ARHGEF10: variants seen among roughly 807,000 people sequenced by gnomAD.
The protein encoded by ARHGEF10 is Rho guanine nucleotide exchange factor (GEF) 10.
In ARHGEF10, 140 loss-of-function variants were observed where a neutral mutation model predicts 147.4. The observed-to-expected ratio is 0.95, with a 90% CI of 0.83 to 1.09. The LOEUF is 1.09. ARHGEF10 is among the 50% of genes least tolerant of loss of function. ARHGEF10 has a pLI of 0.00. For missense variants in ARHGEF10, 2,222 were observed against 1,752.7 expected, an observed-to-expected ratio of 1.27 and a Z score of -4.78; for synonymous variants, 902 against 695.8, an observed-to-expected ratio of 1.30 and a Z score of -4.67.
At position 1,957,260 on chromosome 8, in the gene ARHGEF10, A is replaced by T; in HGVS notation, c.4032A>T (p.Ile1344=). The change falls in exon 29 of 29, where the codon ATA becomes ATT. Residue 1344 remains isoleucine (I), a synonymous_variant. Coordinates refer to ENST00000349830, the MANE Select transcript of ARHGEF10 (RefSeq NM_014629.4). ...TCTGGCAGATCCCTCTGCTGAATAT[A>T]TAAGCAGGACGGCCGCCTTCTGCTG... ...VMVWQIPLLN[I] is the part of the protein sequence containing the mutation. The T allele has an allele frequency of 6.2e-7, 1 of 1,609,606 alleles. No homozygotes were observed. The highest frequency in any genetic ancestry group is 8.5e-7 in the Non-Finnish European group (1 of 1,179,462).
intron 28 of ARHGEF10, 74 bp from the exon 29 acceptor site, chr8:1,956,675 C>A: frequency 1.3e-6 from 2 of 1,567,988 alleles, no homozygotes; most frequent in Admixed American, 3.3e-5. Flanking sequence ...GGGGTTAAGC[C>A]CTGCACTTTT....
At chr8:1,871,585 C>T (rs761891011) in intron 7 of ARHGEF10, among the ~76,000 whole-genome samples, 4 of 151,992 alleles carry the variant, frequency 2.6e-5, no homozygotes, top group Non-Finnish European at 2.9e-5. Context: ...TTTGGGAGGC[C>T]GAGCCGGGTG....
At chr8:1,885,875 G>A (rs1330691848) in intron 11 of ARHGEF10, among the ~76,000 whole-genome samples, 168 bp downstream of exon 11, 1 of 152,226 alleles carries the variant, frequency 6.6e-6, no homozygotes, top group African/African-American at 2.4e-5. Context: ...TTACTGCTGG[G>A]CTCAGCAAGG....
In ARHGEF10 at chr8:1,864,375, A is replaced by G; in HGVS notation, c.484A>G (p.Thr162Ala). 1.2e-6 allele frequency: 2 copies of G among 1,614,126 alleles called. No individual in the cohort carries two copies. Among genetic ancestry groups the G allele is most frequent in the African/African-American group, 1.3e-5 (1 of 75,044 alleles). ...ICATSLDEEETPEVTEDRQPN... is the reference protein window; with the variant it reads ...ICATSLDEEEAPEVTEDRQPN... ...TCACATATTTTCTTTCCCAGCAGAA[A>G]CACCAGAAGTCACAGAAGATCGCCA... is the stretch of plus-strand genomic sequence containing the variant. The change falls in exon 5 of 29, where the codon ACA becomes GCA. Residue 162 changes from threonine to alanine, a missense_variant and splice_region_variant. Physicochemically the swap from Thr to Ala is moderately conservative, Grantham distance 58. Coordinates refer to ENST00000349830, the MANE Select transcript of ARHGEF10 (RefSeq NM_014629.4).
At chr8:1,858,228 G>C in intron 3 of ARHGEF10, 113 bp downstream of exon 3, 2 of 908,532 alleles carry the variant, frequency 2.2e-6, no homozygotes, top group South Asian at 3.9e-5. Context: ...CCCCAGGTGA[G>C]TCCCCAGGTG....
chr8:1,902,791 T>G (rs1372577108), intron 15 of ARHGEF10, among the ~76,000 whole-genome samples: 3 of 152,156 alleles, frequency 2.0e-5, no homozygotes. Context: ...CGCCCTAAAA[T>G]CAGGTTCCTT....
chr8:1,897,349 A>C (rs373948781), intron 14 of ARHGEF10, among the ~76,000 whole-genome samples: 38 of 150,356 alleles, frequency 2.5e-4, no homozygotes, highest in African/African-American at 9.1e-4. Context: ...CGCAGTTCCC[A>C]CTCTGGACAG....
At chr8:1,855,450 C>G (rs1805476627) in intron 2 of ARHGEF10, among the ~76,000 whole-genome samples, 1 of 152,110 alleles carries the variant, frequency 6.6e-6, no homozygotes, top group Non-Finnish European at 1.5e-5. Flanking sequence ...GGCGCAATCT[C>G]AGCTCACTGC....
chr8:1,898,676 C>T lies in ARHGEF10; in HGVS notation c.1650+151C>T, dbSNP rs1240425566. ...AGTTACAGGAGGTGGAGGGTAGAGG[C>T]AGGTGGAGACCTGCGGAGAGTCACC... On this transcript the variant is annotated intron_variant, in intron 15 of 28. Coordinates refer to ENST00000349830, the MANE Select transcript of ARHGEF10 (RefSeq NM_014629.4). 7 of 851,582 alleles carry T rather than the reference C, an allele frequency of 8.2e-6. No homozygotes were observed. In the East Asian group the frequency reaches 1.9e-4, roughly 23 times the overall value. 52.8% of individuals were successfully genotyped at this position (851,582 alleles called of 1,614,324 possible).
intron 3 of ARHGEF10, 56 bp from the exon 4 acceptor site, chr8:1,859,841 A>T (rs4294226): frequency 6.2e-7 from 1 of 1,607,014 alleles, no homozygotes; most frequent in Admixed American, 1.7e-5. Flanking sequence ...CCAGGAGGGC[A>T]TGCCTGCCAT....
chr8:1,949,591 C>T (rs1175453391), intron 27 of ARHGEF10, among the ~76,000 whole-genome samples: 2 of 152,110 alleles, frequency 1.3e-5, no homozygotes, highest in Admixed American at 1.3e-4. Flanking sequence ...TAAATTGCGC[C>T]TTTCTGAGTC....
At chr8:1,828,922 T>A (rs1274488921) in intron 1 of ARHGEF10, among the ~76,000 whole-genome samples, 1 of 152,166 alleles carries the variant, frequency 6.6e-6, no homozygotes, top group Non-Finnish European at 1.5e-5. Context: ...AATAAAGCAG[T>A]GATTTCAGTG....
chr8:1,866,460 C>A, intron 5 of ARHGEF10, 66 bp from the exon 6 acceptor site: 2 of 1,330,408 alleles, frequency 1.5e-6, no homozygotes, highest in Non-Finnish European at 2.2e-6. Flanking sequence ...CTCTGCAGGG[C>A]AGTTGGCATC....
chr8:1,956,021 G>C (rs536894011), intron 28 of ARHGEF10, among the ~76,000 whole-genome samples: 1 of 152,350 alleles, frequency 6.6e-6, no homozygotes, highest in East Asian at 1.9e-4. Context: ...TGATGGTGAG[G>C]GCTGGGGCCT....
intron 8 of ARHGEF10, among the ~76,000 whole-genome samples, chr8:1,879,049 A>G (rs1055305104): frequency 6.6e-6 from 1 of 152,236 alleles, no homozygotes; most frequent in Non-Finnish European, 1.5e-5. Flanking sequence ...TTTCTCGTTC[A>G]AAGGGTCACA....
At chr8:1,954,360 C>G (rs553386110) in intron 28 of ARHGEF10, among the ~76,000 whole-genome samples, 6 of 152,162 alleles carry the variant, frequency 3.9e-5, no homozygotes, top group Non-Finnish European at 8.8e-5. Flanking sequence ...TCAGATGCTC[C>G]AAATTCTGTG....
intron 15 of ARHGEF10, among the ~76,000 whole-genome samples, chr8:1,902,885 G>A (rs1030143787): frequency 2.6e-5 from 4 of 152,168 alleles, no homozygotes; most frequent in Non-Finnish European, 4.4e-5. Context: ...CCTGCACATT[G>A]GAAACTGGGA....
At chr8:1,854,912 G>T (rs912941793) in intron 2 of ARHGEF10, among the ~76,000 whole-genome samples, 1 of 152,072 alleles carries the variant, frequency 6.6e-6, no homozygotes, top group Non-Finnish European at 1.5e-5. Context: ...CCTGTACCTG[G>T]CACACGGGAC....
In ARHGEF10 at chr8:1,854,369, G is replaced by A. The variant is rs183164488; in HGVS notation, c.38-3591G>A. Among the ~76,000 whole-genome samples the A allele has an allele frequency of 4.8e-3, 735 of 152,366 alleles. 2 individuals carry two copies. The highest frequency in any genetic ancestry group is 0.017 in the African/African-American group (690 of 41,596). On this transcript the variant is annotated intron_variant, in intron 2 of 28. Coordinates refer to ENST00000349830, the MANE Select transcript of ARHGEF10 (RefSeq NM_014629.4). The stretch of plus-strand genomic sequence containing the variant: ...AGCTGTGGGCACCCATGCAGGCAGG[G>A]GTGCAGCCTCAGGTGGTTACATTGA...
Sources: allele counts gnomAD v4.1 joint callset (sites outside exome capture counted in the v4.1 genomes callset), GRCh38; gene constraint gnomAD v4.1.1; transcripts MANE v1.5; gene names NCBI Gene and HGNC (gene_info 2026-07-23, HGNC 2026-07-21).